The following GRM5 variants were observed in gnomAD, a reference collection of about 807,000 sequenced individuals.
The protein encoded by GRM5 is metabotropic glutamate receptor 5.
GRM5 carries 19 observed loss-of-function variants against 83.1 expected under a neutral mutation model. The observed-to-expected ratio is 0.23, with a 90% CI of 0.16 to 0.34. The LOEUF (loss-of-function observed/expected upper bound fraction) is 0.34, where lower values mean the gene tolerates loss of function less well. Ranked by LOEUF, GRM5 falls within the 10% of genes least tolerant of loss-of-function variation. GRM5 has a pLI of 1.00. For synonymous variants in GRM5, 675 were observed against 633.6 expected, an observed-to-expected ratio of 1.07 and a Z score of -0.98; for missense variants, 1,160 against 1,588.3, an observed-to-expected ratio of 0.73 and a Z score of 4.58.
chr11:88,850,177 C>G (rs201216930), intron 2 of GRM5, 22 bp from the exon 3 acceptor site: 19 of 1,031,140 alleles, frequency 1.8e-5, no homozygotes, highest in Non-Finnish European at 2.9e-5. Flanking sequence ...CATAGATAAG[C>G]AGAGGGATAG....
At chr11:88,621,700 A>G (rs1938639107) in intron 4 of GRM5, among the ~76,000 whole-genome samples, 1 of 152,212 alleles carries the variant, frequency 6.6e-6, no homozygotes, top group African/African-American at 2.4e-5. Context: ...TATGCTTCTG[A>G]CAATAAGAGA....
chr11:88,690,313 T>A (rs1249600520), intron 3 of GRM5, among the ~76,000 whole-genome samples: 1 of 152,190 alleles, frequency 6.6e-6, no homozygotes, highest in Non-Finnish European at 1.5e-5. Context: ...GTCCACATTT[T>A]GTTTTTGAAC....
At chr11:88,756,998 T>A (rs552510049) in intron 3 of GRM5, among the ~76,000 whole-genome samples, 3 of 152,074 alleles carry the variant, frequency 2.0e-5, no homozygotes, top group Non-Finnish European at 4.4e-5. Flanking sequence ...AAAATCAAAC[T>A]TTTTAAAGAC....
chr11:88,871,641 G>T (rs1471277453), intron 2 of GRM5, among the ~76,000 whole-genome samples: 1 of 151,384 alleles, frequency 6.6e-6, no homozygotes, highest in African/African-American at 2.4e-5. Context: ...ATGAAAGAAA[G>T]GAGAGAATCC....
chr11:88,640,871 C>A (rs1939273036), intron 4 of GRM5, among the ~76,000 whole-genome samples: 1 of 152,140 alleles, frequency 6.6e-6, no homozygotes, highest in African/African-American at 2.4e-5. Flanking sequence ...GCTATCTGAA[C>A]CCTCTCTCTT....
chr11:88,572,787 T>C (rs1943029994), intron 7 of GRM5, among the ~76,000 whole-genome samples: 1 of 152,164 alleles, frequency 6.6e-6, no homozygotes, highest in African/African-American at 2.4e-5. Flanking sequence ...TATCCCTGTT[T>C]CATCCTTACT....
chr11:88,905,596 C>A (rs1244757671), intron 2 of GRM5, among the ~76,000 whole-genome samples: 2 of 152,112 alleles, frequency 1.3e-5, no homozygotes, highest in African/African-American at 4.8e-5. Context: ...TCTGCCTCGG[C>A]CTCCCAAAGT....
chr11:88,990,251 C>A lies in GRM5; in HGVS notation c.661+56961G>T, dbSNP rs576129194. Among the ~76,000 whole-genome samples, 36 of 152,110 alleles carry A rather than the reference C, an allele frequency of 2.4e-4. No individual in the cohort carries two copies. The East Asian group carries it at 2.5e-3, about 11-fold the overall frequency. ...ACAAACACCTCTATGCAAATAAACT[C>A]GAAAATCTAGAAGAAATGGATAAAT... On this transcript the variant is annotated intron_variant, in intron 2 of 9. Coordinates refer to ENST00000305447, the MANE Select transcript of GRM5 (RefSeq NM_001143831.3).
chr11:88,970,839 A>G (rs2135003592), intron 2 of GRM5, among the ~76,000 whole-genome samples: 1 of 152,284 alleles, frequency 6.6e-6, no homozygotes, highest in South Asian at 2.1e-4. Flanking sequence ...CCCAGCTATG[A>G]GCCAGCATAT....
At chr11:88,999,996 C>G in intron 2 of GRM5, among the ~76,000 whole-genome samples, 1 of 152,032 alleles carries the variant, frequency 6.6e-6, no homozygotes, top group East Asian at 1.9e-4. Context: ...GGACAAAAAA[C>G]CAAACACTGC....
chr11:88,935,626 A>G (rs1937867567), intron 2 of GRM5, among the ~76,000 whole-genome samples: 1 of 151,904 alleles, frequency 6.6e-6, no homozygotes, highest in Non-Finnish European at 1.5e-5. Flanking sequence ...CCCTCACTAC[A>G]ACAAAAGGCA....
chr11:88,861,382 A>G (rs568485982), intron 2 of GRM5, among the ~76,000 whole-genome samples: 2 of 152,228 alleles, frequency 1.3e-5, no homozygotes, highest in South Asian at 4.1e-4. Flanking sequence ...TTCCTGGAAT[A>G]CCCTTCTATT....
At chr11:88,896,989 G>T (rs1446799915) in intron 2 of GRM5, among the ~76,000 whole-genome samples, 1 of 151,866 alleles carries the variant, frequency 6.6e-6, no homozygotes, top group African/African-American at 2.4e-5. Context: ...TCCTTTTAGG[G>T]CAACATCACA....
chr11:88,662,977 C>A, intron 3 of GRM5, among the ~76,000 whole-genome samples: 1 of 152,250 alleles, frequency 6.6e-6, no homozygotes, highest in African/African-American at 2.4e-5. Context: ...CATACCCAGA[C>A]TCCTGACATC....
At chr11:88,710,400 T>C (rs1941257199) in intron 3 of GRM5, among the ~76,000 whole-genome samples, 1 of 152,142 alleles carries the variant, frequency 6.6e-6, no homozygotes, top group Non-Finnish European at 1.5e-5. Flanking sequence ...TGCCTGGGCC[T>C]GCCTCGCTAG....
At chr11:88,587,668 A>C (rs1565350052) in intron 7 of GRM5, among the ~76,000 whole-genome samples, 3 of 151,558 alleles carry the variant, frequency 2.0e-5, no homozygotes, top group Non-Finnish European at 4.4e-5. Flanking sequence ...AGGTCATAAA[A>C]CTCTCATTTG....
At chr11:88,950,665 G>C (rs1938430094) in intron 2 of GRM5, among the ~76,000 whole-genome samples, 1 of 152,138 alleles carries the variant, frequency 6.6e-6, no homozygotes, top group Non-Finnish European at 1.5e-5. Flanking sequence ...ACTTCAAAAA[G>C]CTGTCAGGGA....
chr11:88,650,920 T>G (rs532228599), intron 4 of GRM5, among the ~76,000 whole-genome samples: 1 of 152,130 alleles, frequency 6.6e-6, no homozygotes, highest in East Asian at 1.9e-4. Flanking sequence ...AGGATAATAT[T>G]ATACATCTCT....
chr11:88,568,020 A>G, intron 7 of GRM5, 28 bp from the exon 8 acceptor site: 1 of 1,459,684 alleles, frequency 6.9e-7, no homozygotes, highest in Non-Finnish European at 9.5e-7. Flanking sequence ...CATATTGTAA[A>G]GGAGGGAGAG....
Sources: gnomAD v4.1 joint callset for allele counts (sites outside exome capture counted in the v4.1 genomes callset) on GRCh38, gnomAD v4.1.1 for gene constraint, MANE v1.5 for transcripts, NCBI Gene and HGNC (gene_info 2026-07-23, HGNC 2026-07-21) for gene names.